CUX1: variants seen among roughly 807,000 people sequenced by gnomAD.
CUX1 encodes protein CASP.
CUX1 carries 31 observed loss-of-function variants against 158.8 expected under a neutral mutation model. The observed-to-expected ratio is 0.20, with a 90% CI of 0.15 to 0.26. CUX1 has a LOEUF of 0.26. CUX1 is among the 10% of genes least tolerant of loss of function. The pLI is 1.00. For missense variants in CUX1, 1,589 were observed against 2,014.6 expected (o/e 0.79, Z 4.04); for synonymous variants, 879 against 862.1 (o/e 1.02, Z -0.34).
In CUX1 at chr7:102,248,957, A is replaced by G; in HGVS notation, c.4433A>G (p.Lys1478Arg). Residue 1478 changes from lysine (K) to arginine (R), a missense_variant, in exon 24 of 24, where the codon AAG becomes AGG. This residue lies in a region of CUX1 where 344 missense variants were observed against 323.7 expected (regional missense o/e 1.06). Transcript: ENST00000292535. The surrounding 1 kb of genome is among the most constrained non-coding windows in gnomAD (Gnocchi z 5.8). ...GACTCGCGCGACAACCCCCTGCGCA[A>G]GAAGAAGGCCGCGAACTTGAACAGC... ...ARDSRDNPLR[K>R]KKAANLNSII... 6.7e-7 allele frequency: 1 copy of G among 1,483,516 alleles called. No homozygotes were observed. 91.9% of individuals were successfully genotyped at this position (1,483,516 alleles called of 1,614,324 possible).
At chr7:101,982,077 G>A (rs1813518338) in intron 2 of CUX1, among the ~76,000 whole-genome samples, 1 of 152,216 alleles carries the variant, frequency 6.6e-6, no homozygotes, top group Non-Finnish European at 1.5e-5. Flanking sequence ...GTCGATCTTG[G>A]CAGGTATTTT....
chr7:101,967,726 C>T (rs1330907673), intron 2 of CUX1, among the ~76,000 whole-genome samples: 1 of 152,046 alleles, frequency 6.6e-6, no homozygotes, highest in Non-Finnish European at 1.5e-5. Flanking sequence ...GTAAAAGGTC[C>T]CCAGAAACAT....
intron 1 of CUX1, among the ~76,000 whole-genome samples, chr7:101,825,418 C>G (rs1793142123): frequency 6.6e-6 from 1 of 152,192 alleles, no homozygotes; most frequent in Non-Finnish European, 1.5e-5. Context: ...GATCCAGGAG[C>G]CTGCAGTCAC....
chr7:102,170,330 G>A (rs1168290443), intron 9 of CUX1, 116 bp from the exon 10 acceptor site: 5 of 700,072 alleles, frequency 7.1e-6, no homozygotes, highest in Admixed American at 2.9e-5. Context: ...ATTAGGTTGA[G>A]TGTTTAGGAA....
intron 1 of CUX1, among the ~76,000 whole-genome samples, chr7:101,872,290 C>T (rs1189795198): frequency 7.2e-5 from 11 of 151,914 alleles, no homozygotes; most frequent in East Asian, 2.0e-4. Flanking sequence ...CCCATCACCA[C>T]GCCCGGCTAA....
intron 1 of CUX1, among the ~76,000 whole-genome samples, chr7:101,848,048 A>G (rs1795874845): frequency 8.3e-6 from 1 of 120,840 alleles, no homozygotes; most frequent in African/African-American, 3.3e-5. Flanking sequence ...ACAGAGCAAG[A>G]CTCAAAAAAA....
At chr7:101,886,727 G>A (rs1800267788) in intron 1 of CUX1, among the ~76,000 whole-genome samples, 1 of 152,168 alleles carries the variant, frequency 6.6e-6, no homozygotes, top group African/African-American at 2.4e-5. Context: ...ATGGAGAAGT[G>A]CCCAGAGCAG....
At chr7:102,005,015 C>T (rs1398283726) in intron 2 of CUX1, among the ~76,000 whole-genome samples, 4 of 152,294 alleles carry the variant, frequency 2.6e-5, no homozygotes, top group Middle Eastern at 3.4e-3. Context: ...GCCGGCTTGC[C>T]GCAGCTTGCT....
At chr7:102,225,749 C>A (rs1490856443) in intron 20 of CUX1, among the ~76,000 whole-genome samples, 3 of 152,178 alleles carry the variant, frequency 2.0e-5, no homozygotes, top group African/African-American at 7.2e-5. Flanking sequence ...CAGCTACTTG[C>A]AAGGCTGAGG....
chr7:102,062,206 A>G (rs1034824262), intron 3 of CUX1, among the ~76,000 whole-genome samples: 1 of 152,212 alleles, frequency 6.6e-6, no homozygotes, highest in African/African-American at 2.4e-5. Context: ...GAGGAGGGAA[A>G]GCACCCAGGG....
chr7:102,283,025 G>A (rs376508181), exon 23 of CUX1: 25 of 1,610,832 alleles, frequency 1.6e-5, no homozygotes, highest in Admixed American at 3.4e-5. Flanking sequence ...CCCCAGGTTC[G>A]CTGACCACCT....
chr7:102,103,314 CAT>C (rs1204537048), intron 5 of CUX1, among the ~76,000 whole-genome samples: 11 of 152,190 alleles, frequency 7.2e-5, no homozygotes, highest in Non-Finnish European at 1.3e-4. Context: ...CCTAGCACCA[CAT>C]GTTTCTTGTC....
At chr7:102,199,898 G>A (rs552164304) in intron 16 of CUX1, among the ~76,000 whole-genome samples, 173 bp from the exon 17 acceptor site, 44 of 152,296 alleles carry the variant, frequency 2.9e-4, no homozygotes, top group Middle Eastern at 3.4e-3. Flanking sequence ...CCTCCTGCCC[G>A]GTGTCGCTGT....
intron 2 of CUX1, among the ~76,000 whole-genome samples, chr7:101,979,291 AC>A (rs148396145): frequency 0.014 from 2,203 of 152,200 alleles, 25 homozygotes; most frequent in Non-Finnish European, 0.022. Context: ...GGGCTCTGAG[AC>A]CCTCACCCTG....
At chr7:101,991,537 T>A (rs1052499376) in intron 2 of CUX1, among the ~76,000 whole-genome samples, 5 of 152,044 alleles carry the variant, frequency 3.3e-5, no homozygotes, top group African/African-American at 1.2e-4. Flanking sequence ...GGGGGGTGGA[T>A]CACTTGAGGT....
chr7:102,198,369 C>T (rs1387421023), intron 15 of CUX1, among the ~76,000 whole-genome samples: 1 of 152,118 alleles, frequency 6.6e-6, no homozygotes, highest in Non-Finnish European at 1.5e-5. Context: ...TTTGAAACAC[C>T]CTGAAATTTA....
At chr7:102,074,758 G>A (rs1411091471) in intron 4 of CUX1, among the ~76,000 whole-genome samples, 3 of 152,228 alleles carry the variant, frequency 2.0e-5, no homozygotes, top group Admixed American at 1.3e-4. Flanking sequence ...CACTGGGATG[G>A]CTGGTGGGCA....
intron 1 of CUX1, among the ~76,000 whole-genome samples, chr7:101,828,033 G>T (rs1255654186): frequency 6.7e-6 from 1 of 148,966 alleles, no homozygotes; most frequent in African/African-American, 2.5e-5. Flanking sequence ...CTGGAGTGCG[G>T]TGGCGGATCT....
intron 23 of CUX1, among the ~76,000 whole-genome samples, chr7:102,246,484 C>T (rs1800824718): frequency 6.6e-6 from 1 of 152,212 alleles, no homozygotes; most frequent in Admixed American, 6.5e-5. Context: ...GAGTTCAATA[C>T]CCTGGGCTAA....
Sources: allele counts gnomAD v4.1 joint callset (sites outside exome capture counted in the v4.1 genomes callset), GRCh38; gene constraint gnomAD v4.1.1; regional missense constraint gnomAD v4.1.1; non-coding constraint Gnocchi (gnomAD v3.1); transcripts MANE v1.5; gene names NCBI Gene and HGNC (gene_info 2026-07-23, HGNC 2026-07-21).